Variants in GALNT14 observed in about 807,000 individuals in gnomAD.
GALNT14 encodes polypeptide N-acetylgalactosaminyltransferase 14.
Under a neutral mutation model 77.5 loss-of-function variants are expected in GALNT14, and 60 were observed. The observed-to-expected ratio is 0.77, with a 90% CI of 0.63 to 0.96. GALNT14 has a LOEUF of 0.96. GALNT14 is among the 40% of genes least tolerant of loss of function. GALNT14 has a pLI of 0.00. For synonymous variants in GALNT14, 280 were observed against 281.7 expected (o/e 0.99, Z 0.06); for missense variants, 710 against 731.0 (o/e 0.97, Z 0.33).
intron 13 of GALNT14, among the ~76,000 whole-genome samples, chr2:30,914,930 TGGACTACCA>T (rs1664588450): frequency 6.6e-6 from 1 of 152,170 alleles, no homozygotes; most frequent in African/African-American, 2.4e-5. Flanking sequence ...ATGCAACAGC[TGGACTACCA>T]GGAAGCCATA....
chr2:30,945,472 G>C (rs187714738), intron 7 of GALNT14, among the ~76,000 whole-genome samples: 1 of 152,312 alleles, frequency 6.6e-6, no homozygotes, highest in East Asian at 1.9e-4. Flanking sequence ...GGTGCCCACT[G>C]CTGGCATCAG....
At position 30,912,346 on chromosome 2, in the gene GALNT14, G is replaced by T; in HGVS notation, c.1381-4C>A. 1 of 1,613,696 alleles carries T rather than the reference G, an allele frequency of 6.2e-7. No individual in the cohort carries two copies. The highest frequency in any genetic ancestry group is 1.7e-5 in the Admixed American group (1 of 59,952). The stretch of plus-strand genomic sequence containing the variant: ...GGGTGTATGTGAAGGCCCATACCTG[G>T]GGAGAAAGAGACCAGGAAGGTTTGT... On this transcript the variant is annotated splice_region_variant and splice_polypyrimidine_tract_variant and intron_variant, in intron 13 of 14. Coordinates refer to ENST00000349752, the MANE Select transcript of GALNT14 (RefSeq NM_024572.4).
intron 3 of GALNT14, among the ~76,000 whole-genome samples, chr2:30,965,776 T>A (rs1434271863): frequency 6.8e-6 from 1 of 146,890 alleles, no homozygotes; most frequent in Non-Finnish European, 1.5e-5. Flanking sequence ...CTGGCAAGTG[T>A]GTGGGAGGGC....
intron 9 of GALNT14, among the ~76,000 whole-genome samples, chr2:30,936,389 A>G (rs1037011566): frequency 3.3e-5 from 5 of 152,142 alleles, no homozygotes; most frequent in South Asian, 4.1e-4. Flanking sequence ...CAAGGTTCTA[A>G]TTTCATTTTA....
chr2:31,125,702 G>A (rs571237471), intron 1 of GALNT14, among the ~76,000 whole-genome samples: 1 of 152,288 alleles, frequency 6.6e-6, no homozygotes, highest in South Asian at 2.1e-4. Flanking sequence ...AATCTAATTA[G>A]CAGTCAATCC....
In GALNT14 at chr2:30,942,217, C is replaced by G. The variant is rs1477454704; in HGVS notation, c.915G>C (p.Trp305Cys). The G allele has an allele frequency of 6.2e-7, 1 of 1,613,804 alleles. No individual in the cohort carries two copies. The highest frequency in any genetic ancestry group is 2.2e-5 in the East Asian group (1 of 44,870). Residue 305 changes from tryptophan to cysteine, a missense_variant, in exon 9 of 15, where the codon TGG becomes TGC. Trp to Cys is a radical substitution (Grantham distance 215). Coordinates refer to ENST00000349752, the MANE Select transcript of GALNT14 (RefSeq NM_024572.4). ...LGKYDMDMDIWGGENFEISFR... is the reference protein window; with the variant it reads ...LGKYDMDMDICGGENFEISFR... ...GGGACTCACCAAAGTTCTCCCCACC[C>G]CAGATGTCCATGTCCATATCATATT...
At chr2:31,098,458 A>G (rs12471972) in intron 1 of GALNT14, among the ~76,000 whole-genome samples, 67,295 of 151,710 alleles carry the variant, frequency 0.44, 15,318 homozygotes, top group Middle Eastern at 0.5. Context: ...CCCTTTAAAA[A>G]ATACATTTAT....
chr2:31,089,034 C>G (rs747312068), intron 1 of GALNT14, among the ~76,000 whole-genome samples: 2 of 152,212 alleles, frequency 1.3e-5, no homozygotes, highest in African/African-American at 2.4e-5. Context: ...GCACGACCAT[C>G]AGTGGAGAAT....
intron 1 of GALNT14, among the ~76,000 whole-genome samples, chr2:31,040,981 C>T (rs1350824712): frequency 6.6e-6 from 1 of 152,088 alleles, no homozygotes; most frequent in African/African-American, 2.4e-5. Flanking sequence ...CACACAAGGG[C>T]TAATGGAGAA....
chr2:30,919,452 A>C (rs142122802), intron 13 of GALNT14, among the ~76,000 whole-genome samples: 294 of 152,306 alleles, frequency 1.9e-3, no homozygotes, highest in African/African-American at 6.5e-3. Flanking sequence ...GACGCCCCAG[A>C]GCCTGGGGCT....
At chr2:30,889,866 C>T in the GALNT14 span, among the ~76,000 whole-genome samples, 1 of 152,146 alleles carries the variant, frequency 6.6e-6, no homozygotes, top group Non-Finnish European at 1.5e-5. Context: ...AAATGGCTTT[C>T]ATTAGAACAA....
Position 31,108,183 on chromosome 2 carries a change from C to T in GALNT14, c.129+29775G>A, listed in dbSNP as rs547130731. Among the ~76,000 whole-genome samples the T allele has an allele frequency of 5.3e-5, 8 of 152,270 alleles. No homozygotes were observed. The South Asian group carries it at 1.7e-3, about 32-fold the overall frequency. ...ACCAAGGCCAGACTCCTGCCTCTGA[C>T]CCCACATGAACCCTGAAGTTTCAGG... On this transcript the variant is annotated intron_variant, in intron 1 of 14. Transcript: ENST00000349752.
At chr2:31,114,845 G>A (rs906925878) in intron 1 of GALNT14, 3 of 715,244 alleles carry the variant, frequency 4.2e-6, no homozygotes, top group African/African-American at 1.8e-5. Context: ...CCAAAGATAA[G>A]GAGAAAATGT....
At chr2:30,905,532 G>A (rs1240472175), downstream of GALNT14, among the ~76,000 whole-genome samples, 1 of 151,952 alleles carries the variant, frequency 6.6e-6, no homozygotes, top group Non-Finnish European at 1.5e-5. Flanking sequence ...AAAGAAATGA[G>A]CAAAGCCTCC....
At chr2:31,006,954 C>T (rs1044659752) in intron 1 of GALNT14, among the ~76,000 whole-genome samples, 2 of 152,288 alleles carry the variant, frequency 1.3e-5, no homozygotes, top group African/African-American at 4.8e-5. Flanking sequence ...CATTTTCTGT[C>T]TTCTCTGTAA....
intron 1 of GALNT14, chr2:31,065,430 A>G (rs1674880220): frequency 6.6e-6 from 1 of 152,226 alleles, no homozygotes; most frequent in South Asian, 2.1e-4. Context: ...AACGGGGAGA[A>G]TACCTTTCAG....
At chr2:31,132,969 G>A (rs1160590510) in intron 1 of GALNT14, among the ~76,000 whole-genome samples, 1 of 152,006 alleles carries the variant, frequency 6.6e-6, no homozygotes, top group Non-Finnish European at 1.5e-5. Flanking sequence ...CACCCAGATC[G>A]ATAAACTGGC....
chr2:30,927,157 G>C (rs1432507115), intron 11 of GALNT14, among the ~76,000 whole-genome samples: 1 of 152,158 alleles, frequency 6.6e-6, no homozygotes, highest in African/African-American at 2.4e-5. Context: ...CCCCATGTTA[G>C]AATCACCTGG....
At chr2:31,033,345 C>T (rs1198152643) in intron 1 of GALNT14, among the ~76,000 whole-genome samples, 1 of 152,124 alleles carries the variant, frequency 6.6e-6, no homozygotes, top group Non-Finnish European at 1.5e-5. Flanking sequence ...CTTCTACTAA[C>T]AGCAGAACCA....
Sources: gnomAD v4.1 joint callset for allele counts (sites outside exome capture counted in the v4.1 genomes callset) on GRCh38, gnomAD v4.1.1 for gene constraint, MANE v1.5 for transcripts, NCBI Gene and HGNC (gene_info 2026-07-23, HGNC 2026-07-21) for gene names.